The following GRM5 variants were observed in gnomAD, a reference collection of about 807,000 sequenced individuals.
GRM5 encodes metabotropic glutamate receptor 5.
GRM5 carries 19 observed loss-of-function variants against 83.1 expected under a neutral mutation model. The observed-to-expected ratio is 0.23, with a 90% CI of 0.16 to 0.34. The LOEUF is 0.34. Ranked by LOEUF, GRM5 falls within the 10% of genes least tolerant of loss-of-function variation. GRM5 has a pLI of 1.00. For synonymous variants in GRM5, 675 were observed against 633.6 expected (o/e 1.07, Z -0.98); for missense variants, 1,160 against 1,588.3 (o/e 0.73, Z 4.58).
At chr11:88,801,853 A>G (rs540361062) in intron 3 of GRM5, among the ~76,000 whole-genome samples, 1 of 152,154 alleles carries the variant, frequency 6.6e-6, no homozygotes, top group African/African-American at 2.4e-5. Context: ...TATAACCTCT[A>G]TGAGGAGAAA....
intron 3 of GRM5, among the ~76,000 whole-genome samples, chr11:88,842,800 T>G (rs1317964802): frequency 1.3e-5 from 2 of 152,202 alleles, no homozygotes; most frequent in African/African-American, 4.8e-5. Context: ...CTGATGAGTC[T>G]CTCAATTCTA....
At chr11:88,924,646 C>A (rs540241948) in intron 2 of GRM5, among the ~76,000 whole-genome samples, 142 of 151,850 alleles carry the variant, frequency 9.4e-4, no homozygotes, top group African/African-American at 3.4e-3. Flanking sequence ...TTACCAGGGA[C>A]ACAGAGGAAG....
chr11:88,601,734 C>T (rs963533948), intron 5 of GRM5, among the ~76,000 whole-genome samples: 11 of 152,162 alleles, frequency 7.2e-5, no homozygotes, highest in East Asian at 1.9e-4. Flanking sequence ...TGGTCAATTC[C>T]GGGTGGCAGC....
intron 3 of GRM5, among the ~76,000 whole-genome samples, chr11:88,799,339 T>C (rs935442953): frequency 1.5e-5 from 2 of 136,646 alleles, no homozygotes; most frequent in Non-Finnish European, 3.1e-5. Flanking sequence ...TTATCAACAA[T>C]AGTTAAGTTA....
intron 1 of GRM5, among the ~76,000 whole-genome samples, chr11:89,060,305 C>CACACAT (rs1941965921): frequency 6.7e-6 from 1 of 149,676 alleles, no homozygotes; most frequent in South Asian, 2.1e-4. Flanking sequence ...CACACACACA[C>CACACAT]ATATATATGA....
intron 1 of GRM5, among the ~76,000 whole-genome samples, chr11:89,062,822 G>T (rs933429714): frequency 3.9e-5 from 6 of 152,236 alleles, no homozygotes; most frequent in African/African-American, 1.2e-4. Flanking sequence ...CCGCACTCAC[G>T]GGCCTGCCCT....
intron 1 of GRM5, among the ~76,000 whole-genome samples, chr11:89,055,407 T>G (rs1217657845): frequency 6.6e-6 from 1 of 152,218 alleles, no homozygotes; most frequent in Non-Finnish European, 1.5e-5. Context: ...CAGTGTTTGC[T>G]CTATCCTCCA....
intron 3 of GRM5, among the ~76,000 whole-genome samples, chr11:88,756,250 C>A (rs1051210608): frequency 6.6e-6 from 1 of 152,074 alleles, no homozygotes; most frequent in Non-Finnish European, 1.5e-5. Context: ...TGGAAGAGAT[C>A]ATATAAATCA....
intron 4 of GRM5, among the ~76,000 whole-genome samples, chr11:88,643,624 T>C (rs993372610): frequency 6.6e-6 from 1 of 152,188 alleles, no homozygotes; most frequent in Non-Finnish European, 1.5e-5. Flanking sequence ...TTGAAAATGT[T>C]AATGTGGTGC....
chr11:88,662,389 T>G (rs1166978217), intron 3 of GRM5, among the ~76,000 whole-genome samples: 1 of 152,164 alleles, frequency 6.6e-6, no homozygotes, highest in Non-Finnish European at 1.5e-5. Context: ...TGAATTTTAT[T>G]TAAGAGACAT....
chr11:88,860,886 T>C (rs894897270), intron 2 of GRM5, among the ~76,000 whole-genome samples: 1 of 152,180 alleles, frequency 6.6e-6, no homozygotes, highest in African/African-American at 2.4e-5. Context: ...CTCTATAATT[T>C]AGACTTGTGC....
intron 2 of GRM5, among the ~76,000 whole-genome samples, chr11:89,013,048 A>C (rs1177670898): frequency 6.6e-6 from 1 of 152,216 alleles, no homozygotes; most frequent in Admixed American, 6.5e-5. Flanking sequence ...CAAATTTTTT[A>C]TGATCTATTT....
intron 2 of GRM5, among the ~76,000 whole-genome samples, chr11:88,907,881 A>G (rs545145047): frequency 6.0e-4 from 92 of 152,294 alleles, no homozygotes; most frequent in African/African-American, 2.0e-3. Flanking sequence ...GGCAGTGGTG[A>G]TGCACATAAA....
chr11:88,933,793 C>T lies in GRM5; in HGVS notation c.662-83638G>A, dbSNP rs1172635381. On this transcript the variant is annotated intron_variant, in intron 2 of 9. Transcript: ENST00000305447. ...GCTTTCACATAGGCTACCTAAATCACTCCAAGGGGTAAAAATAAAGTATCT... is the reference window on the plus strand; with the variant it reads ...GCTTTCACATAGGCTACCTAAATCATTCCAAGGGGTAAAAATAAAGTATCT... Among the ~76,000 whole-genome samples, 29 of 151,916 alleles carry T rather than the reference C, an allele frequency of 1.9e-4. No individual in the cohort carries two copies. In the South Asian group the frequency reaches 5.8e-3, roughly 30 times the overall value.
intron 9 of GRM5, among the ~76,000 whole-genome samples, chr11:88,512,667 G>C (rs917010535): frequency 6.6e-6 from 1 of 152,134 alleles, no homozygotes; most frequent in East Asian, 1.9e-4. Flanking sequence ...ACTTGGAAAA[G>C]AATAATCTTT....
chr11:89,064,109 C>T (rs1942052915), intron 1 of GRM5, among the ~76,000 whole-genome samples: 1 of 152,072 alleles, frequency 6.6e-6, no homozygotes, highest in South Asian at 2.1e-4. Context: ...CTTCCTAACC[C>T]CTCTGCCTAG....
At chr11:88,827,229 T>G (rs1943908133) in intron 3 of GRM5, among the ~76,000 whole-genome samples, 1 of 152,172 alleles carries the variant, frequency 6.6e-6, no homozygotes, top group South Asian at 2.1e-4. Context: ...CATTCACCTC[T>G]CCTGTAATTG....
At chr11:88,993,265 CAAAAA>C (rs71046275) in intron 2 of GRM5, among the ~76,000 whole-genome samples, 1 of 102,644 alleles carries the variant, frequency 9.7e-6, no homozygotes. Context: ...GACTCTGTCT[CAAAAA>C]AAAAAAAAAA....
intron 2 of GRM5, among the ~76,000 whole-genome samples, chr11:88,941,908 G>A (rs1187659211): frequency 6.6e-6 from 1 of 151,940 alleles, no homozygotes; most frequent in Non-Finnish European, 1.5e-5. Flanking sequence ...AAGATATTCT[G>A]CAGGACAACG....
Sources: allele counts gnomAD v4.1 joint callset (sites outside exome capture counted in the v4.1 genomes callset), GRCh38; gene constraint gnomAD v4.1.1; transcripts MANE v1.5; gene names NCBI Gene and HGNC (gene_info 2026-07-23, HGNC 2026-07-21).